Variants in RBM5 observed in about 807,000 individuals in gnomAD.
The protein encoded by RBM5 is RNA-binding protein 5.
In RBM5, 15 loss-of-function variants were observed where a neutral mutation model predicts 124.6. The observed-to-expected ratio is 0.12, with a 90% confidence interval of 0.08 to 0.19. The LOEUF is 0.19. Among genes scored for constraint, RBM5 ranks in the 10% least tolerant of loss-of-function variants. RBM5 has a pLI of 1.00. For synonymous variants in RBM5, 337 were observed against 361.2 expected (o/e 0.93, Z 0.76); for missense variants, 580 against 1,026.5 (o/e 0.57, Z 5.94).
At position 50,112,414 on chromosome 3, in the gene RBM5, T is replaced by TAAAAAAAAAAAAAA. The variant is rs58011975; in HGVS notation, c.1456-952_1456-939dup. On this transcript the variant is annotated intron_variant, in intron 17 of 24. Coordinates refer to ENST00000347869, the MANE Select transcript of RBM5 (RefSeq NM_005778.4). ...CTGGGTGACGGAGCGAGACTCTGTC[T>TAAAAAAAAAAAAAA]AAAAAAAAAAAAAAAAAAAAAAAAA... Among the ~76,000 whole-genome samples the TAAAAAAAAAAAAAA allele has an allele frequency of 2.3e-5, 2 of 88,240 alleles. 1 individual carries two copies. The highest frequency in any genetic ancestry group is 9.7e-5 in the African/African-American group (2 of 20,622). The allele number at this position is 88,240 out of a possible 152,430, so 57.9% of individuals were successfully genotyped here. A position where few individuals can be genotyped will look rare whatever the true frequency, so the allele number is the denominator to read the frequency against.
At chr3:50,113,633 A>G in intron 18 of RBM5, 89 bp downstream of exon 18, 1 of 1,368,484 alleles carries the variant, frequency 7.3e-7, no homozygotes, top group Non-Finnish European at 9.8e-7. Context: ...TATTATTTGG[A>G]TTCTTAAAAA....
chr3:50,108,971 C>CT (rs1391875876), intron 14 of RBM5, among the ~76,000 whole-genome samples: 10 of 152,214 alleles, frequency 6.6e-5, no homozygotes, highest in Non-Finnish European at 1.3e-4. Flanking sequence ...AAGAGCTACT[C>CT]TAAGAAGCCT....
In RBM5 at chr3:50,099,967, TA is replaced by T; in HGVS notation, c.340-11del. 6.2e-7 allele frequency: 1 copy of T among 1,611,622 alleles called. No homozygotes were observed. The highest frequency in any genetic ancestry group is 8.5e-7 in the Non-Finnish European group (1 of 1,178,734). ...GCAAAAGCTTTAACTGTAAATAATGTAAAACCCTGTGCAGATTCGAGAAATG... is the reference window on the plus strand; with the variant it reads ...GCAAAAGCTTTAACTGTAAATAATGTAAACCCTGTGCAGATTCGAGAAATG... On this transcript the variant is annotated splice_polypyrimidine_tract_variant and intron_variant, in intron 4 of 24. Transcript: ENST00000347869.
intron 6 of RBM5, chr3:50,102,143 T>C (rs1413388484): frequency 6.6e-6 from 1 of 152,226 alleles, no homozygotes; most frequent in African/African-American, 2.4e-5. Context: ...ATCTGTTTGA[T>C]AGTGTCAAAC....
At chr3:50,112,134 G>A (rs1440478161) in intron 17 of RBM5, 3 of 147,062 alleles carry the variant, frequency 2.0e-5, no homozygotes, top group Admixed American at 6.9e-5. Context: ...GCTGGGCGCA[G>A]TGGCTCACGC....
In RBM5 at chr3:50,117,348, G is replaced by A. The variant is rs777357929; in HGVS notation, c.2291G>A (p.Arg764Gln). ...TGGCGGGAAGGCTCTGGCTTGGGACGAAAGTGTCAAGGCATTACGGCTCCC... is the reference window on the plus strand; with the variant it reads ...TGGCGGGAAGGCTCTGGCTTGGGACAAAAGTGTCAAGGCATTACGGCTCCC... ...MGWREGSGLGRKCQGITAPIE... is the reference protein window; with the variant it reads ...MGWREGSGLGQKCQGITAPIE... The change falls in exon 24 of 25, where the codon CGA becomes CAA. Residue 764 changes from arginine to glutamine, a missense_variant. By Grantham distance (43) the Arg-to-Gln change is conservative. Around this residue, in one of 6 missense-constraint regions of RBM5, gnomAD observed 234 missense variants for 435.1 expected, o/e 0.54. Coordinates refer to ENST00000347869, the MANE Select transcript of RBM5 (RefSeq NM_005778.4). The surrounding 1 kb of genome is among the most constrained non-coding windows in gnomAD (Gnocchi z 4.2). 2 of 1,614,064 alleles carry A rather than the reference G, an allele frequency of 1.2e-6. No homozygotes were observed. Among genetic ancestry groups the A allele is most frequent in the African/African-American group, 2.7e-5 (2 of 74,940 alleles).
At chr3:50,097,712 C>A (rs895631857) in intron 4 of RBM5, among the ~76,000 whole-genome samples, 7 of 152,020 alleles carry the variant, frequency 4.6e-5, no homozygotes, top group Non-Finnish European at 1.5e-5. Flanking sequence ...TATTCTAGCC[C>A]CAATTAATGT....
At position 50,100,231 on chromosome 3, in the gene RBM5, T is replaced by C. The variant is rs2090912130; in HGVS notation, c.409+180T>C. On this transcript the variant is annotated intron_variant, in intron 5 of 24. Coordinates refer to ENST00000347869, the MANE Select transcript of RBM5 (RefSeq NM_005778.4). The surrounding 1 kb of genome is among the most constrained non-coding windows in gnomAD (Gnocchi z 5.1). ...AGCATCTGAGGAACTTTTTTAAACT[T>C]TGTTTTAGGGACTTTTTTTTCCTTA... 1.6e-6 allele frequency: 1 copy of C among 641,962 alleles called. No homozygotes were observed. The highest frequency in any genetic ancestry group is 2.9e-5 in the East Asian group (1 of 34,362). The allele number at this position is 641,962 out of a possible 1,614,324, so 39.8% of individuals were successfully genotyped here.
intron 14 of RBM5, 43 bp from the exon 15 acceptor site, chr3:50,109,560 G>T: frequency 2.6e-6 from 4 of 1,531,472 alleles, no homozygotes; most frequent in Non-Finnish European, 3.6e-6. Flanking sequence ...TTGGGTTGGC[G>T]TTCAGTGCCT....
At chr3:50,089,918 C>G (rs1053703115) in intron 1 of RBM5, 1 of 160,278 alleles carries the variant, frequency 6.2e-6, no homozygotes, top group Non-Finnish European at 1.4e-5. Context: ...AGCTCAGTAT[C>G]CCAGCTTCTA....
At position 50,118,542 on chromosome 3, in the gene RBM5, A is replaced by C; in HGVS notation, c.*86A>C. On this transcript the variant is annotated 3_prime_UTR_variant, in exon 25 of 25. Transcript: ENST00000347869. ...TGTTACCGCCTGTCTCTTTAAGGGC[A>C]TGCCTTGTGCTGTTAATAGATCTTA... 1.3e-6 allele frequency: 2 copies of C among 1,515,484 alleles called. No individual in the cohort carries two copies. The highest frequency in any genetic ancestry group is 1.8e-6 in the Non-Finnish European group (2 of 1,119,350). The allele number at this position is 1,515,484 out of a possible 1,614,324, so 93.9% of individuals were successfully genotyped here. A position where few individuals can be genotyped will look rare whatever the true frequency, so the allele number is the denominator to read the frequency against.
Position 50,100,280 on chromosome 3 carries a change from C to CA in RBM5, c.409+229_409+230insA. The CA allele has an allele frequency of 2.2e-6, 1 of 447,018 alleles. No individual in the cohort carries two copies. The highest frequency in any genetic ancestry group is 4.0e-6 in the Non-Finnish European group (1 of 252,600). The allele number at this position is 447,018 out of a possible 1,614,324, so 27.7% of individuals were successfully genotyped here. A position where few individuals can be genotyped will look rare whatever the true frequency, so the allele number is the denominator to read the frequency against. ...TAGGTAAGTAATGATTTATAAACTC[C>CA]TTTTTTTTTTTGACTATAGTCGGTT... On this transcript the variant is annotated intron_variant, in intron 5 of 24. Coordinates refer to ENST00000347869, the MANE Select transcript of RBM5 (RefSeq NM_005778.4). This position sits in a 1 kb window ranked among gnomAD's most constrained non-coding sequence, Gnocchi z 5.1.
intron 22 of RBM5, 85 bp downstream of exon 22, chr3:50,116,065 A>T (rs1022621635): frequency 6.1e-6 from 8 of 1,317,014 alleles, no homozygotes; most frequent in Non-Finnish European, 8.8e-6. Context: ...TCCAGATCCC[A>T]GGGGCAGGGT....
At chr3:50,095,787 T>C (rs1328093407) in intron 4 of RBM5, among the ~76,000 whole-genome samples, 8 of 152,086 alleles carry the variant, frequency 5.3e-5, no homozygotes, top group Non-Finnish European at 8.8e-5. Flanking sequence ...CTGTGTGAAC[T>C]AGTCACCTCT....
chr3:50,094,640 C>G (rs766007941), intron 4 of RBM5, among the ~76,000 whole-genome samples: 20 of 152,266 alleles, frequency 1.3e-4, no homozygotes, highest in Non-Finnish European at 2.4e-4. Context: ...CCACCACACC[C>G]AGCTAATTTA....
At chr3:50,106,184 G>A (rs2091028346) in intron 10 of RBM5, among the ~76,000 whole-genome samples, 3 of 126,828 alleles carry the variant, frequency 2.4e-5, no homozygotes, top group South Asian at 5.3e-4. Flanking sequence ...GCCCAGGCTG[G>A]ATGGAGTGCA....
At chr3:50,094,462 A>C (rs2090769518) in intron 4 of RBM5, 3 of 152,088 alleles carry the variant, frequency 2.0e-5, no homozygotes, top group Admixed American at 2.0e-4. Flanking sequence ...TTATACACAA[A>C]ACAATGTGTG....
At chr3:50,106,035 C>T (rs1231876232) in intron 10 of RBM5, among the ~76,000 whole-genome samples, 2 of 151,210 alleles carry the variant, frequency 1.3e-5, no homozygotes, top group African/African-American at 2.4e-5. Flanking sequence ...TCACTGCAAC[C>T]TCTGCCTCCA....
At chr3:50,101,535 C>G (rs558037877) in intron 6 of RBM5, 54 of 152,282 alleles carry the variant, frequency 3.5e-4, no homozygotes, top group African/African-American at 1.3e-3. Flanking sequence ...TCTCATTTTC[C>G]TAACCCAGAA....
Sources: gnomAD v4.1 joint callset for allele counts (sites outside exome capture counted in the v4.1 genomes callset) on GRCh38, gnomAD v4.1.1 for gene constraint, gnomAD v4.1.1 regional missense constraint, Gnocchi (gnomAD v3.1) non-coding constraint, MANE v1.5 for transcripts, NCBI Gene and HGNC (gene_info 2026-07-23, HGNC 2026-07-21) for gene names.